Variants in CHAF1A observed in about 807,000 individuals in gnomAD.
The protein encoded by CHAF1A is CAF-1 subunit A.
CHAF1A carries 5 observed loss-of-function variants against 93.2 expected under a neutral mutation model. The observed-to-expected ratio is 0.05, with a 90% CI of 0.03 to 0.11. The LOEUF is 0.11. Among genes scored for constraint, CHAF1A ranks in the 10% least tolerant of loss-of-function variants. CHAF1A has a pLI of 1.00. For synonymous variants in CHAF1A, 504 were observed against 510.3 expected (o/e 0.99, Z 0.17); for missense variants, 1,102 against 1,259.9 (o/e 0.87, Z 1.90).
At chr19:4,414,093 A>G (rs1973856466) in intron 3 of CHAF1A, among the ~76,000 whole-genome samples, 1 of 152,192 alleles carries the variant, frequency 6.6e-6, no homozygotes, top group Non-Finnish European at 1.5e-5. Context: ...TTTGTAATAA[A>G]TTCTCCATGT....
At chr19:4,427,097 A>G (rs1230447039) in intron 7 of CHAF1A, among the ~76,000 whole-genome samples, 2 of 146,190 alleles carry the variant, frequency 1.4e-5, no homozygotes, top group Admixed American at 7.0e-5. Flanking sequence ...TCTCAGAAAA[A>G]AAAAAGAGGA....
At chr19:4,425,701 C>T (rs560120666) in intron 7 of CHAF1A, among the ~76,000 whole-genome samples, 1 of 152,320 alleles carries the variant, frequency 6.6e-6, no homozygotes, top group African/African-American at 2.4e-5. Context: ...GCACATGCTT[C>T]TCTGCACACA....
intron 13 of CHAF1A, among the ~76,000 whole-genome samples, chr19:4,441,356 TC>T (rs1974385347): frequency 6.6e-6 from 1 of 151,894 alleles, no homozygotes; most frequent in Non-Finnish European, 1.5e-5. Context: ...TTGTCTGTAA[TC>T]CCAGGACTTT....
chr19:4,429,333 C>T lies in CHAF1A; in HGVS notation c.1605-105C>T. 4.6e-6 allele frequency: 6 copies of T among 1,302,052 alleles called. No individual in the cohort carries two copies. In the East Asian group the frequency reaches 1.2e-4, roughly 25 times the overall value. The allele number at this position is 1,302,052 out of a possible 1,614,324, so 80.7% of individuals were successfully genotyped here. ...GCAGTGCTGCTTTTTAACAAATGCC[C>T]ATCTTTCTAGAATTGTTAGGCCAGC... On this transcript the variant is annotated intron_variant, in intron 8 of 14. Coordinates refer to ENST00000301280, the MANE Select transcript of CHAF1A (RefSeq NM_005483.3).
chr19:4,409,265 G>T lies in CHAF1A; in HGVS notation c.466G>T (p.Asp156Tyr). The T allele has an allele frequency of 6.2e-7, 1 of 1,614,172 alleles. No homozygotes were observed. Residue 156 changes from aspartate (D) to tyrosine (Y), a missense_variant, in exon 3 of 15, where the codon GAT becomes TAT. Asp to Tyr is a radical substitution (Grantham distance 160). Coordinates refer to ENST00000301280, the MANE Select transcript of CHAF1A (RefSeq NM_005483.3). ...AAATGGCCAGCGAGAAGACACTGGG[G>T]ATCAGCAGGGGTTGTTGAAGGCCAT... Reference protein sequence around the residue: ...AINGQREDTGDQQGLLKAIQN... With the variant: ...AINGQREDTGYQQGLLKAIQN...
At chr19:4,445,134 A>C, downstream of CHAF1A, 1 of 251,104 alleles carries the variant, frequency 4.0e-6, no homozygotes, top group Non-Finnish European at 7.8e-6. Context: ...AGGTGCAGCC[A>C]CTGCCACCCA....
At chr19:4,414,820 G>C (rs180890106) in intron 3 of CHAF1A, among the ~76,000 whole-genome samples, 1 of 152,168 alleles carries the variant, frequency 6.6e-6, no homozygotes, top group South Asian at 2.1e-4. Flanking sequence ...AAGGCAATGC[G>C]TGCGTTCTTA....
chr19:4,407,674 A>G (rs1024102285), intron 2 of CHAF1A, among the ~76,000 whole-genome samples: 1 of 152,274 alleles, frequency 6.6e-6, no homozygotes, highest in African/African-American at 2.4e-5. Context: ...GAAGCGGGGC[A>G]TGGTGACTCA....
rs1377530755 is a variant in CHAF1A at position 4,442,908 on chromosome 19, C to G, written c.2771-17C>G. Reference sequence around the variant, plus strand: ...AGGGCCCAGCCAGCTCAAGACCCTCCCTCTCTTGCCCTGCAGAGGTCCAAG... The same window carrying G: ...AGGGCCCAGCCAGCTCAAGACCCTCGCTCTCTTGCCCTGCAGAGGTCCAAG... On this transcript the variant is annotated splice_polypyrimidine_tract_variant and intron_variant, in intron 14 of 14. Transcript: ENST00000301280. The G allele has an allele frequency of 2.6e-6, 4 of 1,546,538 alleles. No homozygotes were observed.
chr19:4,415,187 ATC>A (rs1436347156), intron 3 of CHAF1A, among the ~76,000 whole-genome samples: 1 of 151,832 alleles, frequency 6.6e-6, no homozygotes, highest in Non-Finnish European at 1.5e-5. Flanking sequence ...TGAGAGTGAG[ATC>A]TATAAACACT....
intron 2 of CHAF1A, among the ~76,000 whole-genome samples, chr19:4,408,451 C>T (rs1401362665): frequency 5.2e-5 from 6 of 114,722 alleles, no homozygotes; most frequent in African/African-American, 1.1e-4. Flanking sequence ...CTTGGCCTCC[C>T]GCACCCGGCC....
intron 4 of CHAF1A, among the ~76,000 whole-genome samples, chr19:4,418,534 G>T (rs1351999842): frequency 6.7e-6 from 1 of 149,980 alleles, no homozygotes; most frequent in African/African-American, 2.5e-5. Context: ...TCCTGGCTCA[G>T]CCTCCCCAGT....
chr19:4,440,856 A>G lies in CHAF1A; in HGVS notation c.2674-1389A>G, dbSNP rs185519061. On this transcript the variant is annotated intron_variant, in intron 13 of 14. Coordinates refer to ENST00000301280, the MANE Select transcript of CHAF1A (RefSeq NM_005483.3). ...CAGCAGAGGCCAGGTGCGGTGGCTCATGCCTGTAATCCCAGCACTTTGGGA... is the reference window on the plus strand; with the variant it reads ...CAGCAGAGGCCAGGTGCGGTGGCTCGTGCCTGTAATCCCAGCACTTTGGGA... Among the ~76,000 whole-genome samples the G allele has an allele frequency of 1.4e-3, 220 of 152,254 alleles. 2 individuals are homozygous for G. The highest frequency in any genetic ancestry group is 4.9e-3 in the African/African-American group (204 of 41,548).
At chr19:4,448,314 T>C, downstream of CHAF1A, 1 of 1,602,202 alleles carries the variant, frequency 6.2e-7, no homozygotes, top group Non-Finnish European at 8.5e-7. Flanking sequence ...GGCCACACGC[T>C]CACTTGGCAA....
chr19:4,445,261 T>G, downstream of CHAF1A: 90 of 530,986 alleles, frequency 1.7e-4, no homozygotes, highest in Middle Eastern at 5.6e-4. Context: ...AGGGCTTAGA[T>G]TTGTTGGTGT....
At chr19:4,445,370 C>T (rs1974484168), downstream of CHAF1A, 2 of 1,474,672 alleles carry the variant, frequency 1.4e-6, no homozygotes, top group Non-Finnish European at 1.8e-6. Context: ...ACGGCTGGCG[C>T]CCCTCCCGTG....
chr19:4,404,607 G>T (rs568273785), intron 1 of CHAF1A, among the ~76,000 whole-genome samples: 38 of 152,174 alleles, frequency 2.5e-4, no homozygotes, highest in Non-Finnish European at 3.8e-4. Flanking sequence ...TGGGTGAGGG[G>T]TGGTTTCATG....
At chr19:4,423,684 A>G (rs1974030462) in intron 6 of CHAF1A, 122 bp from the exon 7 acceptor site, 2 of 1,056,964 alleles carry the variant, frequency 1.9e-6, no homozygotes, top group Non-Finnish European at 1.4e-6. Context: ...AGAGCTGAAA[A>G]TCACAGTAGT....
At chr19:4,425,863 C>G (rs1974072047) in intron 7 of CHAF1A, among the ~76,000 whole-genome samples, 1 of 152,216 alleles carries the variant, frequency 6.6e-6, no homozygotes, top group African/African-American at 2.4e-5. Context: ...CCTCCCCATT[C>G]TCTGCTATCA....
Sources: allele counts gnomAD v4.1 joint callset (sites outside exome capture counted in the v4.1 genomes callset), GRCh38; gene constraint gnomAD v4.1.1; transcripts MANE v1.5; gene names NCBI Gene and HGNC (gene_info 2026-07-23, HGNC 2026-07-21).